The following ROBO2 variants were observed in gnomAD, a reference collection of about 807,000 sequenced individuals.
ROBO2 encodes roundabout guidance receptor 2.
ROBO2 carries 53 observed loss-of-function variants against 160.8 expected under a neutral mutation model. The ratio of observed to expected loss-of-function variants is 0.33; its 90% CI spans 0.26 to 0.41. ROBO2 has a LOEUF of 0.41. Ranked by LOEUF, ROBO2 falls within the 10% of genes least tolerant of loss-of-function variation. The pLI, the probability that ROBO2 is intolerant of heterozygous loss-of-function variation, is 1.00. For synonymous variants in ROBO2, 664 were observed against 611.7 expected (o/e 1.09, Z -1.26); for missense variants, 1,577 against 1,722.4 (o/e 0.92, Z 1.49).
chr3:76,961,264 A>AAC, intron 2 of ROBO2, among the ~76,000 whole-genome samples: 1 of 151,604 alleles, frequency 6.6e-6, no homozygotes, highest in Non-Finnish European at 1.5e-5. Flanking sequence ...AAAAAAAAAA[A>AAC]AAAACACTAG....
At chr3:76,250,167 C>G (rs2033338225) in intron 2 of ROBO2, among the ~76,000 whole-genome samples, 2 of 152,070 alleles carry the variant, frequency 1.3e-5, no homozygotes, top group South Asian at 4.1e-4. Flanking sequence ...TATACAAAAA[C>G]AAGCAAACAG....
chr3:77,280,138 A>G (rs538459807), intron 2 of ROBO2, among the ~76,000 whole-genome samples: 11 of 152,180 alleles, frequency 7.2e-5, no homozygotes, highest in African/African-American at 2.6e-4. Context: ...ATCTCTTCAC[A>G]TGTTCCATTC....
chr3:77,578,645 T>G (rs1025588202), intron 15 of ROBO2, among the ~76,000 whole-genome samples: 2 of 152,086 alleles, frequency 1.3e-5, no homozygotes, highest in African/African-American at 4.8e-5. Context: ...ATTTCTATCA[T>G]GTTGTAAAGA....
chr3:77,613,047 A>G (rs1480639847), intron 21 of ROBO2, among the ~76,000 whole-genome samples: 6 of 152,344 alleles, frequency 3.9e-5, no homozygotes, highest in South Asian at 2.1e-4. Flanking sequence ...TTAATGCATT[A>G]AGCAATGTAT....
chr3:76,378,881 A>T (rs2076482054), intron 2 of ROBO2, among the ~76,000 whole-genome samples: 1 of 152,232 alleles, frequency 6.6e-6, no homozygotes, highest in South Asian at 2.1e-4. Flanking sequence ...GAGCAAAAAA[A>T]TTCGAAAGAA....
chr3:76,743,858 AAGAT>A (rs1281288014), intron 2 of ROBO2, among the ~76,000 whole-genome samples: 1 of 152,122 alleles, frequency 6.6e-6, no homozygotes, highest in African/African-American at 2.4e-5. Context: ...AAGGGAAAGA[AAGAT>A]AGAATGTTAA....
intron 2 of ROBO2, among the ~76,000 whole-genome samples, chr3:76,747,664 G>A (rs2093915696): frequency 6.6e-6 from 1 of 151,572 alleles, no homozygotes; most frequent in South Asian, 2.1e-4. Context: ...TTTAATGATT[G>A]ATCTCTGATA....
intron 2 of ROBO2, among the ~76,000 whole-genome samples, chr3:77,163,599 G>A (rs7430540): frequency 0.038 from 5,728 of 152,180 alleles, 159 homozygotes; most frequent in East Asian, 0.087. Flanking sequence ...TTCCATTGTC[G>A]CATGCTACAG....
At chr3:77,016,753 G>A (rs1373004771) in intron 2 of ROBO2, among the ~76,000 whole-genome samples, 1 of 152,186 alleles carries the variant, frequency 6.6e-6, no homozygotes, top group African/African-American at 2.4e-5. Flanking sequence ...GTGTTAGGGG[G>A]ATCTGGAAGT....
chr3:76,394,012 A>G (rs941011473), intron 2 of ROBO2, among the ~76,000 whole-genome samples: 2 of 152,126 alleles, frequency 1.3e-5, no homozygotes, highest in Non-Finnish European at 2.9e-5. Flanking sequence ...TTTTGAGCCT[A>G]TGTGTGTCTC....
At chr3:76,761,245 A>T (rs1053874037) in intron 2 of ROBO2, among the ~76,000 whole-genome samples, 22 of 151,776 alleles carry the variant, frequency 1.4e-4, no homozygotes, top group Non-Finnish European at 2.4e-4. Flanking sequence ...TTTGAAATCA[A>T]ACCTTAGAGA....
At chr3:77,006,441 A>C (rs2061585665) in intron 2 of ROBO2, among the ~76,000 whole-genome samples, 1 of 151,956 alleles carries the variant, frequency 6.6e-6, no homozygotes, top group East Asian at 1.9e-4. Flanking sequence ...TAAGAGAAAA[A>C]CCACAGCAAA....
At chr3:76,549,307 G>A (rs1211650873) in intron 2 of ROBO2, among the ~76,000 whole-genome samples, 1 of 152,050 alleles carries the variant, frequency 6.6e-6, no homozygotes, top group Non-Finnish European at 1.5e-5. Context: ...TCTTTTATCA[G>A]AATCTCCATC....
At chr3:77,121,929 T>G (rs2074813954) in intron 2 of ROBO2, among the ~76,000 whole-genome samples, 1 of 152,182 alleles carries the variant, frequency 6.6e-6, no homozygotes, top group Non-Finnish European at 1.5e-5. Context: ...ATTATTATTC[T>G]TTTTGAGGAA....
chr3:77,607,789 T>C lies in ROBO2; in HGVS notation c.3137-9T>C. On this transcript the variant is annotated splice_polypyrimidine_tract_variant and intron_variant, in intron 20 of 25. Coordinates refer to ENST00000461745, the Ensembl canonical transcript of ROBO2. ...TGGCATCTCTGAATAAATACGTTATTACTTTCAGGTGGGAAAGGTGGAAAA... is the reference window on the plus strand; with the variant it reads ...TGGCATCTCTGAATAAATACGTTATCACTTTCAGGTGGGAAAGGTGGAAAA... 1 of 1,612,722 alleles carries C rather than the reference T, an allele frequency of 6.2e-7. No homozygotes were observed. The highest frequency in any genetic ancestry group is 8.5e-7 in the Non-Finnish European group (1 of 1,178,792).
chr3:76,618,614 A>G (rs917845640), intron 2 of ROBO2, among the ~76,000 whole-genome samples: 2 of 151,570 alleles, frequency 1.3e-5, no homozygotes, highest in African/African-American at 4.9e-5. Context: ...TAATGCTCCA[A>G]TGGGGGAAAA....
chr3:76,097,293 C>G (rs986152895), intron 2 of ROBO2, among the ~76,000 whole-genome samples: 1 of 152,094 alleles, frequency 6.6e-6, no homozygotes, highest in African/African-American at 2.4e-5. Flanking sequence ...CCAACCCGTT[C>G]CCAGTGCAGA....
At chr3:77,290,855 A>ACCC (rs2061126516) in intron 2 of ROBO2, among the ~76,000 whole-genome samples, 1 of 96,672 alleles carries the variant, frequency 1.0e-5, no homozygotes, top group Non-Finnish European at 2.4e-5. Context: ...AGGCTAGATC[A>ACCC]CTAAAGACAT....
chr3:77,563,412 T>G (rs1399149401), intron 11 of ROBO2, 83 bp downstream of exon 12: 2 of 1,308,850 alleles, frequency 1.5e-6, no homozygotes, highest in Non-Finnish European at 2.2e-6. Context: ...TCCTGCTGTT[T>G]TATTAAAGAC....
Sources: gnomAD v4.1 joint callset for allele counts (sites outside exome capture counted in the v4.1 genomes callset) on GRCh38, gnomAD v4.1.1 for gene constraint, MANE v1.5 for transcripts, NCBI Gene and HGNC (gene_info 2026-07-23, HGNC 2026-07-21) for gene names.